Variants in GRIA3 observed in about 807,000 individuals in gnomAD.
The protein encoded by GRIA3 is glutamate ionotropic receptor AMPA type subunit 3.
In GRIA3, 3 loss-of-function variants were observed where a neutral mutation model predicts 63.0. That is an observed-to-expected ratio of 0.05 (90% confidence interval 0.02 to 0.12). The LOEUF is 0.12. GRIA3 is among the 10% of genes least tolerant of loss of function. The pLI is 1.00. For synonymous variants in GRIA3, 274 were observed against 257.9 expected (o/e 1.06, Z -0.60); for missense variants, 347 against 700.9 (o/e 0.50, Z 5.70).
intron 2 of GRIA3, among the ~76,000 whole-genome samples, chrX:123,234,100 C>G (rs1419129781): frequency 1.8e-5 from 2 of 111,303 alleles, no homozygotes; most frequent in African/African-American, 6.5e-5. Flanking sequence ...TTGCCTTAGG[C>G]TTGCCTGGAG....
rs143635815 is a variant in GRIA3 at position 123,241,829 on chromosome X, T to C, written c.269-11474T>C. On this transcript the variant is annotated intron_variant, in intron 2 of 15. Coordinates refer to ENST00000620443, the MANE Select transcript of GRIA3 (RefSeq NM_007325.5). The stretch of plus-strand genomic sequence containing the variant: ...GAAGATGAAGTAGATTGTTTCTGCA[T>C]ACTTCAGACAAAAAAAAAATAATCC... Among the ~76,000 whole-genome samples the C allele has an allele frequency of 3.8e-3, 427 of 111,150 alleles. 3 individuals are homozygous for C. Among genetic ancestry groups the C allele is most frequent in the Non-Finnish European group, 6.8e-3 (361 of 52,940 alleles).
At chrX:123,372,228 T>C (rs11260428) in intron 5 of GRIA3, among the ~76,000 whole-genome samples, 15,291 of 111,225 alleles carry the variant, frequency 0.14, 1,019 homozygotes, top group Non-Finnish European at 0.2. Context: ...TCTGTTACAT[T>C]GGTCTGTATG....
At chrX:123,440,918 T>C (rs1040471252) in intron 12 of GRIA3, among the ~76,000 whole-genome samples, 2 of 112,045 alleles carry the variant, frequency 1.8e-5, no homozygotes, top group African/African-American at 6.5e-5. Context: ...TTTTATAGTT[T>C]TGGGTTTCAC....
intron 12 of GRIA3, among the ~76,000 whole-genome samples, chrX:123,451,505 TAAAAAAAAA>T (rs56991039): frequency 1.2e-3 from 20 of 16,182 alleles, no homozygotes; most frequent in African/African-American, 3.3e-3. Flanking sequence ...ACTCTGTCTC[TAAAAAAAAA>T]AAAAAAAAAA....
At chrX:123,259,930 T>A (rs1444329285) in intron 3 of GRIA3, among the ~76,000 whole-genome samples, 3 of 111,583 alleles carry the variant, frequency 2.7e-5, no homozygotes. Flanking sequence ...CTATCCTGGT[T>A]GTCTTCCCGT....
chrX:123,230,803 G>C (rs2044272061), intron 2 of GRIA3, among the ~76,000 whole-genome samples: 1 of 111,362 alleles, frequency 9.0e-6, no homozygotes, highest in African/African-American at 3.3e-5. Context: ...TCCAGCTGGG[G>C]CCCTAACAAA....
At chrX:123,420,333 G>T (rs1345539111) in intron 11 of GRIA3, among the ~76,000 whole-genome samples, 1 of 111,659 alleles carries the variant, frequency 9.0e-6, no homozygotes, top group Non-Finnish European at 1.9e-5. Flanking sequence ...TCTGTATGGG[G>T]TATGCCTCAT....
At chrX:123,466,742 A>C (rs1016631869) in intron 13 of GRIA3, among the ~76,000 whole-genome samples, 4 of 112,542 alleles carry the variant, frequency 3.6e-5, no homozygotes, top group Non-Finnish European at 1.9e-5. Context: ...ATATTGAAGC[A>C]TGTAAACTCA....
chrX:123,358,336 C>T (rs185797217), intron 5 of GRIA3: 91 of 112,376 alleles, frequency 8.1e-4, no homozygotes, highest in African/African-American at 2.8e-3. Flanking sequence ...CCTGGAATCA[C>T]TTCCTGCAGT....
In GRIA3 at chrX:123,184,290, G is replaced by A. The variant is rs1336787581; in HGVS notation, c.-246G>A. ...AGAGAGAGGGAGCAAGAAAGGAAGA[G>A]AGAGCGAGCGAGAGAGAGCGAGCGA... On this transcript the variant is annotated 5_prime_UTR_variant, in exon 1 of 16. Coordinates refer to ENST00000620443, the MANE Select transcript of GRIA3 (RefSeq NM_007325.5). The A allele has an allele frequency of 1.0e-5, 4 of 392,694 alleles. No homozygotes were observed. Among genetic ancestry groups the A allele is most frequent in the Non-Finnish European group, 1.8e-5 (4 of 225,163 alleles). 32.4% of individuals were successfully genotyped at this position (392,694 alleles called of 1,213,427 possible).
intron 2 of GRIA3, among the ~76,000 whole-genome samples, chrX:123,200,168 C>T (rs1782303202): frequency 9.0e-6 from 1 of 110,673 alleles, no homozygotes; most frequent in African/African-American, 3.3e-5. Flanking sequence ...ATAAGAGAAT[C>T]GTCTAATTCT....
chrX:123,488,138 G>T (rs1304740660), intron 15 of GRIA3, among the ~76,000 whole-genome samples: 1 of 112,152 alleles, frequency 8.9e-6, no homozygotes, highest in Non-Finnish European at 1.9e-5. Context: ...GGCAAAGACC[G>T]CATTGATGCC....
chrX:123,271,431 A>G (rs2044521622), intron 3 of GRIA3, among the ~76,000 whole-genome samples: 2 of 111,995 alleles, frequency 1.8e-5, no homozygotes, highest in Non-Finnish European at 3.8e-5. Flanking sequence ...TAGAGAGGGT[A>G]AGTGATTTGT....
At chrX:123,381,446 A>C (rs2045323599) in intron 5 of GRIA3, among the ~76,000 whole-genome samples, 1 of 111,201 alleles carries the variant, frequency 9.0e-6, no homozygotes, top group Non-Finnish European at 1.9e-5. Flanking sequence ...GTTTGGGGGG[A>C]CCATTGGCCT....
intron 2 of GRIA3, among the ~76,000 whole-genome samples, chrX:123,234,527 G>A (rs780508674): frequency 7.2e-5 from 8 of 111,665 alleles, no homozygotes; most frequent in Non-Finnish European, 9.4e-5. Context: ...CTTCTTAGAG[G>A]AAATTACATT....
At chrX:123,341,962 G>A (rs1326092254) in intron 4 of GRIA3, among the ~76,000 whole-genome samples, 7 of 110,018 alleles carry the variant, frequency 6.4e-5, no homozygotes. Context: ...AAGTAGATAG[G>A]ACTAAGAGTG....
At chrX:123,324,769 C>G (rs908007253) in intron 3 of GRIA3, among the ~76,000 whole-genome samples, 4 of 111,662 alleles carry the variant, frequency 3.6e-5, no homozygotes, top group African/African-American at 1.3e-4. Flanking sequence ...TCATAATGAC[C>G]GGCTGAGTCA....
At chrX:123,326,237 G>T (rs1305600136) in intron 4 of GRIA3, 24 bp downstream of exon 4, 1 of 1,141,995 alleles carries the variant, frequency 8.8e-7, no homozygotes. Flanking sequence ...TTATTTCACC[G>T]CCAGCCAACA....
chrX:123,428,227 T>C, intron 12 of GRIA3, 88 bp downstream of exon 12: 1 of 637,713 alleles, frequency 1.6e-6, no homozygotes. Flanking sequence ...TAAGGGAGAG[T>C]TGGGAAAGAG....
Sources: allele counts gnomAD v4.1 joint callset (sites outside exome capture counted in the v4.1 genomes callset), GRCh38; gene constraint gnomAD v4.1.1; transcripts MANE v1.5; gene names NCBI Gene and HGNC (gene_info 2026-07-23, HGNC 2026-07-21).